The following CAMK1D variants were observed in gnomAD, a reference collection of about 807,000 sequenced individuals.
CAMK1D encodes calcium/calmodulin dependent protein kinase ID.
Under a neutral mutation model 47.7 loss-of-function variants are expected in CAMK1D, and 9 were observed. The ratio of observed to expected loss-of-function variants is 0.19; its 90% CI spans 0.11 to 0.33. CAMK1D has a LOEUF of 0.33. Among genes scored for constraint, CAMK1D ranks in the 10% least tolerant of loss-of-function variants. The pLI, the probability that CAMK1D is intolerant of heterozygous loss-of-function variation, is 1.00. For missense variants in CAMK1D, 291 were observed against 488.7 expected (o/e 0.60, Z 3.81); for synonymous variants, 184 against 184.9 (o/e 0.99, Z 0.04).
At chr10:12,529,887 C>G (rs1418774010) in intron 1 of CAMK1D, among the ~76,000 whole-genome samples, 1 of 152,084 alleles carries the variant, frequency 6.6e-6, no homozygotes, top group African/African-American at 2.4e-5. Context: ...GTTAAGAAGC[C>G]CTTTTTCCCC....
intron 6 of CAMK1D, among the ~76,000 whole-genome samples, chr10:12,797,247 G>A (rs1838236875): frequency 6.7e-6 from 1 of 148,246 alleles, no homozygotes; most frequent in African/African-American, 2.5e-5. Context: ...CACCCAGGCT[G>A]GAGTGCAGTG....
rs1234458551 is a variant in CAMK1D, at chr10:12,388,704, C to T, written c.92+38794C>T. On this transcript the variant is annotated intron_variant, in intron 1 of 10. Transcript: ENST00000619168. ...AAAATGCCTACTTGGGAGACTTCTG[C>T]GGGGCTCAAAGACAGCTCCGTCATT... 6.6e-5 allele frequency among the ~76,000 whole-genome samples: 10 copies of T among 152,146 alleles called. No homozygotes were observed. In the South Asian group the frequency reaches 1.4e-3, roughly 22 times the overall value.
chr10:12,732,100 G>A (rs1022940998), intron 3 of CAMK1D, among the ~76,000 whole-genome samples: 1 of 152,292 alleles, frequency 6.6e-6, no homozygotes, highest in Non-Finnish European at 1.5e-5. Flanking sequence ...AAGTAACTGG[G>A]TGTGGTGGCG....
chr10:12,751,050 CAATAAGATAAGATAAGATAAGATAA>C (rs1320847065), intron 3 of CAMK1D, among the ~76,000 whole-genome samples: 2 of 132,542 alleles, frequency 1.5e-5, no homozygotes, highest in African/African-American at 3.1e-5. Flanking sequence ...CCGTCTCCCC[CAATAAGATAAGATAAGATAAGATAA>C]GATAAGATAA....
At position 12,824,743 on chromosome 10, in the gene CAMK1D, T is replaced by C. The variant is rs574038610; in HGVS notation, c.921+191T>C. On this transcript the variant is annotated intron_variant, in intron 9 of 10. Transcript: ENST00000619168. ...AGTGTGCAATTCAACACTTCCCCTC[T>C]GTGATCAAAGACAGCAATAGTGCCA... Among the ~76,000 whole-genome samples the C allele has an allele frequency of 2.0e-5, 3 of 152,344 alleles. No individual in the cohort carries two copies. In the South Asian group the frequency reaches 6.2e-4, roughly 32 times the overall value.
intron 3 of CAMK1D, among the ~76,000 whole-genome samples, chr10:12,755,384 C>G (rs1422445789): frequency 6.6e-6 from 1 of 152,090 alleles, no homozygotes; most frequent in Non-Finnish European, 1.5e-5. Context: ...AGGAAAAGAT[C>G]GAGAAGATGG....
At chr10:12,710,229 A>G (rs1365107097) in intron 3 of CAMK1D, among the ~76,000 whole-genome samples, 1 of 152,240 alleles carries the variant, frequency 6.6e-6, no homozygotes, top group Admixed American at 6.5e-5. Flanking sequence ...CTTAGAACCT[A>G]AAGTATATTT....
chr10:12,418,853 G>C (rs1004807806), intron 1 of CAMK1D, among the ~76,000 whole-genome samples: 1 of 152,226 alleles, frequency 6.6e-6, no homozygotes, highest in Admixed American at 6.5e-5. Flanking sequence ...GAGATGGGGA[G>C]TGACCGTCCA....
intron 3 of CAMK1D, among the ~76,000 whole-genome samples, chr10:12,686,740 A>T (rs1015825725): frequency 6.6e-6 from 1 of 152,196 alleles, no homozygotes; most frequent in Admixed American, 6.5e-5. Flanking sequence ...CTCAGAGGGA[A>T]GATTGGGTGT....
At chr10:12,459,319 A>T (rs1346722240) in intron 1 of CAMK1D, among the ~76,000 whole-genome samples, 3 of 152,234 alleles carry the variant, frequency 2.0e-5, no homozygotes. Context: ...TAAAAAGTGG[A>T]TTTGATCATG....
intron 1 of CAMK1D, among the ~76,000 whole-genome samples, chr10:12,489,004 C>T (rs570267628): frequency 1.3e-5 from 2 of 151,628 alleles, no homozygotes; most frequent in African/African-American, 4.8e-5. Flanking sequence ...GGTGTGATCT[C>T]GGCTCACTGC....
chr10:12,675,360 C>T (rs186912314), intron 3 of CAMK1D, among the ~76,000 whole-genome samples: 1 of 152,274 alleles, frequency 6.6e-6, no homozygotes, highest in East Asian at 1.9e-4. Flanking sequence ...ATAAGCATCA[C>T]TCACATACCA....
At chr10:12,530,069 A>G (rs1480425602) in intron 1 of CAMK1D, among the ~76,000 whole-genome samples, 3 of 152,214 alleles carry the variant, frequency 2.0e-5, no homozygotes, top group Admixed American at 2.0e-4. Flanking sequence ...TAAGCATACA[A>G]TGTTTATTGT....
chr10:12,521,500 T>G (rs1434968427), intron 1 of CAMK1D, among the ~76,000 whole-genome samples: 1 of 152,254 alleles, frequency 6.6e-6, no homozygotes, highest in East Asian at 1.9e-4. Context: ...TGTTTTATGA[T>G]AAAGTTTGAT....
chr10:12,658,931 G>C (rs1036018848), intron 2 of CAMK1D, among the ~76,000 whole-genome samples: 15 of 152,186 alleles, frequency 9.9e-5, no homozygotes, highest in African/African-American at 3.6e-4. Context: ...AAAGCCCTCT[G>C]TCCTTGTGAT....
chr10:12,797,286 C>T (rs1211813254), intron 6 of CAMK1D, among the ~76,000 whole-genome samples: 2 of 151,250 alleles, frequency 1.3e-5, no homozygotes, highest in Non-Finnish European at 2.9e-5. Context: ...GCAGCCTTGA[C>T]CTCCTGGGCT....
intron 1 of CAMK1D, among the ~76,000 whole-genome samples, chr10:12,505,839 AT>A (rs34371222): frequency 0.24 from 36,208 of 151,748 alleles, 4,864 homozygotes; most frequent in South Asian, 0.33. Context: ...TAAACCAATG[AT>A]TTTCAGACAG....
chr10:12,540,746 A>G (rs975019162), intron 1 of CAMK1D, among the ~76,000 whole-genome samples: 4 of 152,230 alleles, frequency 2.6e-5, no homozygotes, highest in African/African-American at 4.8e-5. Flanking sequence ...AGGATTGCTT[A>G]TCATTGTGGA....
chr10:12,554,705 T>TA (rs1385428283), intron 2 of CAMK1D, among the ~76,000 whole-genome samples: 6 of 112,220 alleles, frequency 5.3e-5, no homozygotes, highest in African/African-American at 1.2e-4. Context: ...CCTGGCTAAT[T>TA]AAAAAAAAAT....
Sources: allele counts gnomAD v4.1 joint callset (sites outside exome capture counted in the v4.1 genomes callset), GRCh38; gene constraint gnomAD v4.1.1; transcripts MANE v1.5; gene names NCBI Gene and HGNC (gene_info 2026-07-23, HGNC 2026-07-21).